SNTG1: variants seen among roughly 807,000 people sequenced by gnomAD.
The protein encoded by SNTG1 is gamma-1-syntrophin.
A neutral mutation model predicts 74.7 loss-of-function variants in SNTG1; 39 were observed. The observed-to-expected ratio is 0.52, with a 90% CI of 0.40 to 0.68. The LOEUF is 0.68. Ranked by LOEUF, SNTG1 falls within the 30% of genes least tolerant of loss-of-function variation. The pLI is 0.00. For missense variants in SNTG1, 685 were observed against 609.5 expected (o/e 1.12, Z -1.30); for synonymous variants, 254 against 217.1 (o/e 1.17, Z -1.49).
intron 2 of SNTG1, among the ~76,000 whole-genome samples, chr8:50,351,390 G>GGAAAGGCGCTCA (rs879687103): frequency 2.0e-5 from 3 of 152,346 alleles, no homozygotes; most frequent in South Asian, 2.1e-4. Flanking sequence ...CGCTCAAGTA[G>GGAAAGGCGCTCA]TTTTGACAGA....
intron 1 of SNTG1, among the ~76,000 whole-genome samples, chr8:50,024,886 C>T (rs145028667): frequency 1.3e-5 from 2 of 152,068 alleles, no homozygotes; most frequent in African/African-American, 2.4e-5. Context: ...ATTCATGTCC[C>T]GTGGCAAGAC....
rs1372772339 is a variant in SNTG1 at position 50,793,837 on chromosome 8, A to T, written c.*1008A>T. 6.6e-6 allele frequency: 1 copy of T among 151,950 alleles called. No homozygotes were observed. The highest frequency in any genetic ancestry group is 2.4e-5 in the African/African-American group (1 of 41,420). 9.4% of individuals were successfully genotyped at this position (151,950 alleles called of 1,614,324 possible). On this transcript the variant is annotated 3_prime_UTR_variant, in exon 19 of 19. Coordinates refer to ENST00000642720, the MANE Select transcript of SNTG1 (RefSeq NM_018967.5). ...TAATTAAATGACATTTTTTCATTTT[A>T]GTACTATTTTATGAGAAACAAAGGT...
At chr8:50,114,005 CA>C (rs1442236522) in intron 1 of SNTG1, among the ~76,000 whole-genome samples, 1 of 151,976 alleles carries the variant, frequency 6.6e-6, no homozygotes, top group Non-Finnish European at 1.5e-5. Flanking sequence ...AATCTAATCA[CA>C]AAACGACGTT....
At chr8:50,379,860 C>T (rs1191544242) in intron 2 of SNTG1, among the ~76,000 whole-genome samples, 2 of 152,212 alleles carry the variant, frequency 1.3e-5, no homozygotes, top group Non-Finnish European at 2.9e-5. Context: ...CCACATTTCC[C>T]AGTCCCAGCA....
intron 12 of SNTG1, among the ~76,000 whole-genome samples, chr8:50,559,251 A>T (rs1405798710): frequency 6.6e-6 from 1 of 152,240 alleles, no homozygotes; most frequent in Non-Finnish European, 1.5e-5. Flanking sequence ...AAATAAACAA[A>T]ATTAAAATAT....
Position 50,704,692 on chromosome 8 carries a change from C to T in SNTG1, c.1131C>T (p.Asp377=). ...DLYFSVELES[D]LAQWERAFQT... is the part of the protein sequence containing the mutation. ...ACTTCTCAGTGGAGCTGGAAAGTGA[C>T]CTCGCCCAGTGGGAAAGAGCCTTCC... Residue 377 remains aspartate (D), a synonymous_variant, in exon 16 of 19, where the codon GAC becomes GAT. Transcript: ENST00000642720. 6.2e-7 allele frequency: 1 copy of T among 1,614,094 alleles called. No homozygotes were observed.
intron 13 of SNTG1, among the ~76,000 whole-genome samples, chr8:50,606,366 A>G (rs147183793): frequency 9.6e-4 from 146 of 152,248 alleles, no homozygotes; most frequent in African/African-American, 3.4e-3. Flanking sequence ...GTGTATACAT[A>G]TCATGCATAC....
chr8:50,578,872 T>C (rs1331715775), intron 12 of SNTG1, among the ~76,000 whole-genome samples: 1 of 152,130 alleles, frequency 6.6e-6, no homozygotes, highest in Non-Finnish European at 1.5e-5. Flanking sequence ...TAATTAGCAG[T>C]GTGAAGATGG....
chr8:50,263,675 A>C (rs2087310362), intron 2 of SNTG1, among the ~76,000 whole-genome samples: 1 of 152,206 alleles, frequency 6.6e-6, no homozygotes, highest in Admixed American at 6.5e-5. Context: ...ACAATTATAA[A>C]AATTATAGGC....
At chr8:50,638,855 C>T (rs745394366) in intron 13 of SNTG1, among the ~76,000 whole-genome samples, 116 of 152,106 alleles carry the variant, frequency 7.6e-4, no homozygotes, top group Non-Finnish European at 1.5e-3. Flanking sequence ...TCTGCACCAA[C>T]AAAATATCAG....
chr8:50,504,457 G>C (rs1466900680), intron 9 of SNTG1, among the ~76,000 whole-genome samples: 6 of 152,080 alleles, frequency 3.9e-5, no homozygotes, highest in Non-Finnish European at 8.8e-5. Context: ...GAATTGAATT[G>C]CTGAGTGACT....
At chr8:49,963,576 T>A (rs1810884069) in intron 1 of SNTG1, among the ~76,000 whole-genome samples, 1 of 152,158 alleles carries the variant, frequency 6.6e-6, no homozygotes, top group African/African-American at 2.4e-5. Flanking sequence ...TGCAGAAAAC[T>A]TTCCTGATCA....
chr8:50,374,781 G>T (rs988766717), intron 2 of SNTG1, among the ~76,000 whole-genome samples: 3 of 152,074 alleles, frequency 2.0e-5, no homozygotes, highest in Non-Finnish European at 4.4e-5. Flanking sequence ...ATGAAACAAG[G>T]CATCTCATAG....
At chr8:50,761,603 A>AT (rs200187689) in intron 18 of SNTG1, among the ~76,000 whole-genome samples, 42,510 of 148,178 alleles carry the variant, frequency 0.29, 6,119 homozygotes, top group South Asian at 0.39. Flanking sequence ...TGCCTGAGCT[A>AT]TTTTTTTTTT....
chr8:49,910,420 G>A (rs1199327811), upstream of SNTG1, among the ~76,000 whole-genome samples: 1 of 152,130 alleles, frequency 6.6e-6, no homozygotes, highest in Non-Finnish European at 1.5e-5. Context: ...AAGGGCGGGC[G>A]GTGTTACAGT....
chr8:50,117,728 C>G (rs535695658), intron 1 of SNTG1, among the ~76,000 whole-genome samples: 34 of 152,144 alleles, frequency 2.2e-4, no homozygotes, highest in Non-Finnish European at 4.9e-4. Flanking sequence ...TACTTATTCT[C>G]TCTGTTACCA....
chr8:49,938,607 C>CTTTTTTTCT (rs60669251), intron 1 of SNTG1, among the ~76,000 whole-genome samples: 1 of 27,876 alleles, frequency 3.6e-5, no homozygotes, highest in African/African-American at 9.4e-5. Context: ...CTTTTCTTTT[C>CTTTTTTTCT]TTTCTTTCTT....
chr8:50,714,595 G>GA (rs930170020), intron 17 of SNTG1, among the ~76,000 whole-genome samples: 2 of 151,860 alleles, frequency 1.3e-5, no homozygotes, highest in African/African-American at 4.8e-5. Flanking sequence ...ACATTCCTGA[G>GA]AAAAAAATAC....
rs536245556 is a variant in SNTG1 at position 49,967,001 on chromosome 8, AT to A, written c.-103+54775del. On this transcript the variant is annotated intron_variant, in intron 1 of 18. Transcript: ENST00000642720. ...AATCTATAAACAATGTCAAGAAAAT[AT>A]TTTTGTGCTTTCTTTACTATTTGGA... Among the ~76,000 whole-genome samples the A allele has an allele frequency of 4.5e-3, 684 of 152,196 alleles. 8 individuals are homozygous for A. The highest frequency in any genetic ancestry group is 0.016 in the African/African-American group (664 of 41,540).
Sources: gnomAD v4.1 joint callset for allele counts (sites outside exome capture counted in the v4.1 genomes callset) on GRCh38, gnomAD v4.1.1 for gene constraint, MANE v1.5 for transcripts, NCBI Gene and HGNC (gene_info 2026-07-23, HGNC 2026-07-21) for gene names.